The following MAST1 variants were observed in gnomAD, a reference collection of about 807,000 sequenced individuals.
The protein encoded by MAST1 is microtubule-associated serine/threonine-protein kinase 1.
A neutral mutation model predicts 124.6 loss-of-function variants in MAST1; 40 were observed. That is an observed-to-expected ratio of 0.32 (90% confidence interval 0.25 to 0.42). MAST1 has a LOEUF of 0.42. MAST1 is among the 10% of genes least tolerant of loss of function. The pLI is 1.00. For missense variants in MAST1, 1,558 were observed against 2,181.9 expected (o/e 0.71, Z 5.70); for synonymous variants, 938 against 939.4 (o/e 1.00, Z 0.03).
chr19:12,863,407 A>G (rs918700189), intron 12 of MAST1, among the ~76,000 whole-genome samples: 2 of 152,052 alleles, frequency 1.3e-5, no homozygotes, highest in African/African-American at 4.8e-5. Flanking sequence ...AACCAGCAAA[A>G]TCTCGCAGAA....
chr19:12,867,553 C>T lies in MAST1; in HGVS notation c.2219C>T (p.Pro740Leu), dbSNP rs1970170433. Residue 740 changes from proline (P) to leucine (L), a missense_variant, in exon 19 of 26, where the codon CCG becomes CTG. By Grantham distance (98) the Pro-to-Leu change is moderately conservative (BLOSUM62 -3). Transcript: ENST00000251472. ...VAAAGSSKREPSTKGPEEKVA... is the reference protein window; with the variant it reads ...VAAAGSSKRELSTKGPEEKVA... ...GCTGCAGGGAGCAGCAAGCGGGAGC[C>T]GAGCACCAAGGGCCCCGAGGAGAAG... is the stretch of plus-strand genomic sequence containing the variant. 6.2e-7 allele frequency: 1 copy of T among 1,613,640 alleles called. No individual in the cohort carries two copies. The highest frequency in any genetic ancestry group is 8.5e-7 in the Non-Finnish European group (1 of 1,179,946).
intron 20 of MAST1, among the ~76,000 whole-genome samples, chr19:12,868,220 C>T (rs1052019858): frequency 3.9e-4 from 58 of 149,568 alleles, no homozygotes; most frequent in African/African-American, 1.4e-3. Context: ...GTGGTTCTCG[C>T]ACCTCAGCCT....
At position 12,874,910 on chromosome 19, in the gene MAST1, TACATATGTAC is replaced by T; in HGVS notation, c.*47_*56del. 1 of 1,553,532 alleles carries T rather than the reference TACATATGTAC, an allele frequency of 6.4e-7. No homozygotes were observed. The highest frequency in any genetic ancestry group is 8.7e-7 in the Non-Finnish European group (1 of 1,153,466). ...GGCCCCGCGCTGTACAGCCTCCGTA[TACATATGTAC>T]ACATATAAATAAAGTGCGTCCGTGC... On this transcript the variant is annotated 3_prime_UTR_variant, in exon 26 of 26. Transcript: ENST00000251472. The surrounding 1 kb of genome is among the most constrained non-coding windows in gnomAD (Gnocchi z 6.6).
intron 22 of MAST1, 132 bp downstream of exon 22, chr19:12,869,427 T>C: frequency 1.5e-6 from 1 of 688,344 alleles, no homozygotes; most frequent in Non-Finnish European, 2.4e-6. Context: ...CTAAACCTGT[T>C]TCTTTTTTCT....
chr19:12,868,669 T>C lies in MAST1; in HGVS notation c.2593T>C (p.Cys865Arg). ...ATDRPRPGDL[C>R]PPSKDGDASG... Reference sequence around the variant, plus strand: ...TGACCGTCCACGCCCAGGTGACCTCTGCCCACCCTCGAAGGATGGGGATGC... The same window carrying C: ...TGACCGTCCACGCCCAGGTGACCTCCGCCCACCCTCGAAGGATGGGGATGC... The change falls in exon 21 of 26, where the codon TGC becomes CGC. Residue 865 changes from cysteine (C) to arginine (R), a missense_variant. This residue lies in a region of MAST1 where 287 missense variants were observed against 308.0 expected (regional missense o/e 0.93). Transcript: ENST00000251472. 7 of 1,606,352 alleles carry C rather than the reference T, an allele frequency of 4.4e-6. No homozygotes were observed. The highest frequency in any genetic ancestry group is 6.0e-6 in the Non-Finnish European group (7 of 1,174,924).
rs866765954 is a variant in MAST1, at chr19:12,840,073, G to A, written c.84-373G>A. 3.3e-5 allele frequency among the ~76,000 whole-genome samples: 5 copies of A among 152,120 alleles called. No individual in the cohort carries two copies. The South Asian group carries it at 6.2e-4, about 19-fold the overall frequency. The stretch of plus-strand genomic sequence containing the variant: ...CGTATCACACTAGAATGCATTCAGC[G>A]TCACACATTGTTGAATTCATACAGT... On this transcript the variant is annotated intron_variant, in intron 1 of 25. Transcript: ENST00000251472.
chr19:12,855,165 C>G (rs929832889), intron 10 of MAST1, among the ~76,000 whole-genome samples: 1 of 151,836 alleles, frequency 6.6e-6, no homozygotes, highest in Non-Finnish European at 1.5e-5. Context: ...ACCAGGGAGA[C>G]AAAGATTGCA....
chr19:12,846,578 C>G (rs1316864846), intron 4 of MAST1, among the ~76,000 whole-genome samples: 4 of 151,810 alleles, frequency 2.6e-5, no homozygotes, highest in Non-Finnish European at 4.4e-5. Flanking sequence ...GTCCAAGGAC[C>G]ATCAAGGAGG....
In MAST1 at chr19:12,840,980, T is replaced by G; in HGVS notation, c.173-11T>G. On this transcript the variant is annotated splice_polypyrimidine_tract_variant and intron_variant, in intron 2 of 25. Coordinates refer to ENST00000251472, the MANE Select transcript of MAST1 (RefSeq NM_014975.3). Reference sequence around the variant, plus strand: ...AGACCTGACAGGATTTGCCCCCTCTTTCTCTCATAGGCAGCAGTCCCCTGG... The same window carrying G: ...AGACCTGACAGGATTTGCCCCCTCTGTCTCTCATAGGCAGCAGTCCCCTGG... 9.0e-7 allele frequency: 1 copy of G among 1,107,330 alleles called. No homozygotes were observed. The highest frequency in any genetic ancestry group is 1.4e-6 in the Non-Finnish European group (1 of 716,332). The allele number at this position is 1,107,330 out of a possible 1,614,324, so 68.6% of individuals were successfully genotyped here.
chr19:12,848,416 G>A (rs928543662), intron 7 of MAST1: 4 of 253,290 alleles, frequency 1.6e-5, no homozygotes, highest in African/African-American at 4.6e-5. Context: ...TCAAGAGATC[G>A]AGACCATCCT....
Position 12,874,696 on chromosome 19 carries a change from C to T in MAST1, c.4539C>T (p.Ala1513=). 6.4e-7 allele frequency: 1 copy of T among 1,570,900 alleles called. No homozygotes were observed. Among genetic ancestry groups the T allele is most frequent in the African/African-American group, 1.3e-5 (1 of 74,126 alleles). ...LSPEPQTPSL[A]PAKCSAPSSA... ...CGGAGCCCCAGACACCCTCCCTAGC[C>T]CCAGCGAAGTGCAGTGCACCCAGCA... The change falls in exon 26 of 26, where the codon GCC becomes GCT. Residue 1513 remains alanine, a synonymous_variant. Coordinates refer to ENST00000251472, the MANE Select transcript of MAST1 (RefSeq NM_014975.3). This position sits in a 1 kb window ranked among gnomAD's most constrained non-coding sequence, Gnocchi z 6.6.
In MAST1 at chr19:12,865,796, C is replaced by T. The variant is rs765357230; in HGVS notation, c.1884C>T (p.Asn628=). 6.2e-6 allele frequency: 10 copies of T among 1,613,720 alleles called. No homozygotes were observed. The highest frequency in any genetic ancestry group is 5.0e-5 in the Admixed American group (3 of 59,982). The change falls in exon 16 of 26, where the codon AAC becomes AAT. Residue 628 remains asparagine, a synonymous_variant. Coordinates refer to ENST00000251472, the MANE Select transcript of MAST1 (RefSeq NM_014975.3). This position sits in a 1 kb window ranked among gnomAD's most constrained non-coding sequence, Gnocchi z 7.1. The part of the protein sequence containing the change: ...QLLISSLLQT[N]PLVRLGAGGA... ...TCATATCCAGCCTCCTGCAGACCAA[C>T]CCTCTGGTCAGGCTTGGGGCAGGTA...
Position 12,867,820 on chromosome 19 carries a change from G to A in MAST1, c.2409G>A (p.Glu803=). 2.5e-6 allele frequency: 4 copies of A among 1,591,100 alleles called. No individual in the cohort carries two copies. The highest frequency in any genetic ancestry group is 2.6e-6 in the Non-Finnish European group (3 of 1,169,664). The change falls in exon 20 of 26, where the codon GAG becomes GAA. Residue 803 remains glutamate (E), a synonymous_variant. Transcript: ENST00000251472. ...GARRRFSALL[E]PSRFSAPQED... ...GCCGCCGTTTCTCGGCGCTGCTGGA[G>A]CCCAGCCGCTTCAGCGCCCCCCAAG...
At chr19:12,863,035 GCTA>G (rs1184536507) in intron 12 of MAST1, among the ~76,000 whole-genome samples, 5 of 151,618 alleles carry the variant, frequency 3.3e-5, no homozygotes, top group Admixed American at 2.0e-4. Flanking sequence ...TATCATCCCA[GCTA>G]CTCGGGAGGC....
At chr19:12,840,609 TCATGCTA>T (rs1409311388) in intron 2 of MAST1, 75 bp downstream of exon 2, 3 of 1,114,362 alleles carry the variant, frequency 2.7e-6, no homozygotes, top group Non-Finnish European at 4.0e-6. Flanking sequence ...GGAAGCGTGG[TCATGCTA>T]CAGAAGGGGC....
intron 3 of MAST1, among the ~76,000 whole-genome samples, chr19:12,842,504 G>A (rs1185975304): frequency 6.6e-6 from 1 of 152,094 alleles, no homozygotes; most frequent in African/African-American, 2.4e-5. Flanking sequence ...GGTTGGTCAT[G>A]CTGGTCTCGA....
intron 2 of MAST1, 110 bp downstream of exon 2, chr19:12,840,644 G>A (rs1029437424): frequency 2.4e-5 from 19 of 794,464 alleles, no homozygotes; most frequent in Non-Finnish European, 3.6e-5. Context: ...GAATGGAGGC[G>A]AACCAGTTTG....
chr19:12,842,259 G>GA (rs1969839136), intron 3 of MAST1, among the ~76,000 whole-genome samples: 1 of 151,896 alleles, frequency 6.6e-6, no homozygotes, highest in African/African-American at 2.4e-5. Context: ...TAAACACAGA[G>GA]TCACAGTGTT....
intron 24 of MAST1, 131 bp from the exon 25 acceptor site, chr19:12,873,193 T>C (rs1268656544): frequency 2.5e-6 from 2 of 810,708 alleles, no homozygotes; most frequent in East Asian, 2.7e-5. Context: ...TTTATCTTGA[T>C]AGGTGGGTTG....
Sources: allele counts gnomAD v4.1 joint callset (sites outside exome capture counted in the v4.1 genomes callset), GRCh38; gene constraint gnomAD v4.1.1; regional missense constraint gnomAD v4.1.1; non-coding constraint Gnocchi (gnomAD v3.1); transcripts MANE v1.5; gene names NCBI Gene and HGNC (gene_info 2026-07-23, HGNC 2026-07-21).